The following DELE1 variants were observed in gnomAD, a reference collection of about 807,000 sequenced individuals.
The protein encoded by DELE1 is death ligand signal enhancer.
Under a neutral mutation model 59.3 loss-of-function variants are expected in DELE1, and 54 were observed. The observed-to-expected ratio is 0.91, with a 90% CI of 0.73 to 1.14. The LOEUF is 1.14. Ranked by LOEUF, DELE1 falls within the 50% of genes most tolerant of loss-of-function variation. The pLI is 0.00. For missense variants in DELE1, 636 were observed against 643.9 expected, an observed-to-expected ratio of 0.99 and a Z score of 0.13; for synonymous variants, 264 against 259.1, an observed-to-expected ratio of 1.02 and a Z score of -0.18.
In DELE1 at chr5:141,937,209, CAG is replaced by C. The variant is rs1354576287; in HGVS notation, c.1162_1163del (p.Arg388ValfsTer8). On this transcript the variant is annotated frameshift_variant, in exon 11 of 12. Transcript: ENST00000432126. LOFTEE classifies it high-confidence loss of function. ...CATTTTCTCCTTAGGACTCACAGAG[CAG>C]GTACCACCTTGGAATTTGCTATGAG... is the stretch of plus-strand genomic sequence containing the variant. ...LAANNGDSQS[R>X]YHLGICYEKG... The C allele has an allele frequency of 1.2e-6, 2 of 1,614,058 alleles. No homozygotes were observed. The highest frequency in any genetic ancestry group is 2.7e-5 in the African/African-American group (2 of 74,918).
rs572178940 is a variant in DELE1, at chr5:141,928,019, G to A, written c.265-132G>A. The A allele has an allele frequency of 1.2e-4, 112 of 898,156 alleles. 2 individuals carry two copies. In the South Asian group the frequency reaches 1.7e-3, roughly 14 times the overall value. The allele number at this position is 898,156 out of a possible 1,614,324, so 55.6% of individuals were successfully genotyped here. A position where few individuals can be genotyped will look rare whatever the true frequency, so the allele number is the denominator to read the frequency against. On this transcript the variant is annotated intron_variant, in intron 3 of 11. Coordinates refer to ENST00000432126, the MANE Select transcript of DELE1 (RefSeq NM_014773.5). The stretch of plus-strand genomic sequence containing the variant: ...GTGGTCAGGGCTCCAGAGAAGTTAG[G>A]GTGTTGTGAAAGTTTGTAGTCGGGG...
Position 141,928,139 on chromosome 5 carries a change from T to A in DELE1, c.265-12T>A, listed in dbSNP as rs1315381931. ...GTGAAGGACCGTGTCCTTAACGTGC[T>A]GTCTTTCCCAGGGCACTCTGGCCGT... is the stretch of plus-strand genomic sequence containing the variant. On this transcript the variant is annotated splice_polypyrimidine_tract_variant and intron_variant, in intron 3 of 11. Coordinates refer to ENST00000432126, the MANE Select transcript of DELE1 (RefSeq NM_014773.5). 1 of 1,611,656 alleles carries A rather than the reference T, an allele frequency of 6.2e-7. No individual in the cohort carries two copies. Among genetic ancestry groups the A allele is most frequent in the Admixed American group, 1.7e-5 (1 of 59,702 alleles).
Position 141,925,433 on chromosome 5 carries a change from C to G in DELE1, c.170C>G (p.Thr57Arg), listed in dbSNP as rs148625091. Residue 57 changes from threonine (T) to arginine (R), a missense_variant, in exon 3 of 12, where the codon ACG becomes AGG. Thr to Arg is a moderately conservative substitution (Grantham distance 71). Transcript: ENST00000432126. ...LDRSGPHGPG[T>R]SGGPRSHGWK... ...AGGTCAGGTCCCCATGGCCCAGGCACGAGCGGGGGTCCAAGGTCCCATGGA... is the reference window on the plus strand; with the variant it reads ...AGGTCAGGTCCCCATGGCCCAGGCAGGAGCGGGGGTCCAAGGTCCCATGGA... The G allele has an allele frequency of 1.9e-6, 3 of 1,595,954 alleles. No individual in the cohort carries two copies. Among genetic ancestry groups the G allele is most frequent in the Non-Finnish European group, 2.6e-6 (3 of 1,171,556 alleles).
Position 141,938,796 on chromosome 5 carries a change from G to C in DELE1, c.*37G>C, listed in dbSNP as rs374708558. ...ACATAGTCCCTGGTGCCTCTTAGGG[G>C]CCAGAGCGGGCAGGAGGTTGGATAA... is the stretch of plus-strand genomic sequence containing the variant. On this transcript the variant is annotated 3_prime_UTR_variant, in exon 12 of 12. Coordinates refer to ENST00000432126, the MANE Select transcript of DELE1 (RefSeq NM_014773.5). The C allele has an allele frequency of 1.6e-4, 254 of 1,569,302 alleles. No homozygotes were observed. Among genetic ancestry groups the C allele is most frequent in the Non-Finnish European group, 2.1e-4 (243 of 1,156,916 alleles).
rs1283904333 is a variant in DELE1, at chr5:141,930,293, C to T, written c.754+19C>T. 4.5e-6 allele frequency: 7 copies of T among 1,568,258 alleles called. No individual in the cohort carries two copies. The African/African-American group carries it at 5.4e-5, about 12-fold the overall frequency. ...TTCCTGGGTAACCAAATGGACCCTGCCCCAAGGCAGGAGGGTGGGAAAATG... is the reference window on the plus strand; with the variant it reads ...TTCCTGGGTAACCAAATGGACCCTGTCCCAAGGCAGGAGGGTGGGAAAATG... On this transcript the variant is annotated intron_variant, in intron 7 of 11. Coordinates refer to ENST00000432126, the MANE Select transcript of DELE1 (RefSeq NM_014773.5).
chr5:141,934,367 T>G lies in DELE1; in HGVS notation c.1025T>G (p.Leu342Arg). Residue 342 changes from leucine to arginine, a missense_variant, in exon 9 of 12, where the codon CTG becomes CGG. Physicochemically the swap from Leu to Arg is moderately radical, Grantham distance 102. Coordinates refer to ENST00000432126, the MANE Select transcript of DELE1 (RefSeq NM_014773.5). ...GAGCGGCAGAGGGCAGTGTCCTTGCTGAAGCAGGCTGCAGACTCAGGCTTG... is the reference window on the plus strand; with the variant it reads ...GAGCGGCAGAGGGCAGTGTCCTTGCGGAAGCAGGCTGCAGACTCAGGCTTG... ...NPERQRAVSL[L>R]KQAADSGLRE... The G allele has an allele frequency of 6.2e-7, 1 of 1,614,230 alleles. No individual in the cohort carries two copies. Among genetic ancestry groups the G allele is most frequent in the Non-Finnish European group, 8.5e-7 (1 of 1,180,038 alleles).
Position 141,939,290 on chromosome 5 carries a change from T to C in DELE1, c.*531T>C, listed in dbSNP as rs1264798614. ...ATAGATGTTCTGTCTAGGATAAAGCTAACTGTAAAAAAAAATAGTGAATCA... is the reference window on the plus strand; with the variant it reads ...ATAGATGTTCTGTCTAGGATAAAGCCAACTGTAAAAAAAAATAGTGAATCA... On this transcript the variant is annotated 3_prime_UTR_variant, in exon 12 of 12. Transcript: ENST00000432126. 1 of 658,588 alleles carries C rather than the reference T, an allele frequency of 1.5e-6. No homozygotes were observed. The highest frequency in any genetic ancestry group is 6.3e-5 in the Admixed American group (1 of 15,846). The allele number at this position is 658,588 out of a possible 1,614,324, so 40.8% of individuals were successfully genotyped here. A position where few individuals can be genotyped will look rare whatever the true frequency, so the allele number is the denominator to read the frequency against.
rs1752666889 is a variant in DELE1, at chr5:141,940,430, GCCCACC to G, written c.*1672_*1677del. ...GAGTGGGGTCTGGGAGGGATAGAGA[GCCCACC>G]GCCCACCCCCCACAATCCCATGACT... On this transcript the variant is annotated 3_prime_UTR_variant, in exon 12 of 12. Coordinates refer to ENST00000432126, the MANE Select transcript of DELE1 (RefSeq NM_014773.5). 7.4e-5 allele frequency: 16 copies of G among 217,266 alleles called. No individual in the cohort carries two copies. The highest frequency in any genetic ancestry group is 6.5e-4 in the South Asian group (1 of 1,540). The allele number at this position is 217,266 out of a possible 1,614,324, so 13.5% of individuals were successfully genotyped here.
At chr5:141,935,650 C>G (rs1752289745) in intron 10 of DELE1, among the ~76,000 whole-genome samples, 3 of 152,342 alleles carry the variant, frequency 2.0e-5, no homozygotes, top group South Asian at 4.1e-4. Flanking sequence ...GTATCCACTG[C>G]TGTACCTGCC....
At position 141,938,812 on chromosome 5, in the gene DELE1, G is replaced by A. The variant is rs1463225744; in HGVS notation, c.*53G>A. 2.9e-5 allele frequency: 44 copies of A among 1,535,662 alleles called. No homozygotes were observed. Among genetic ancestry groups the A allele is most frequent in the Non-Finnish European group, 3.5e-5 (40 of 1,145,048 alleles). On this transcript the variant is annotated 3_prime_UTR_variant, in exon 12 of 12. Coordinates refer to ENST00000432126, the MANE Select transcript of DELE1 (RefSeq NM_014773.5). Reference sequence around the variant, plus strand: ...CTCTTAGGGGCCAGAGCGGGCAGGAGGTTGGATAACAAAAATAGAGCATCA... The same window carrying A: ...CTCTTAGGGGCCAGAGCGGGCAGGAAGTTGGATAACAAAAATAGAGCATCA...
chr5:141,928,327 G>A, intron 4 of DELE1, 29 bp downstream of exon 4: 5 of 1,598,800 alleles, frequency 3.1e-6, no homozygotes, highest in Non-Finnish European at 4.3e-6. Flanking sequence ...GGACAGGAGG[G>A]CTGGGCTGGG....
In DELE1 at chr5:141,929,981, C is replaced by T. The variant is rs769779271; in HGVS notation, c.572-8C>T. On this transcript the variant is annotated splice_region_variant and splice_polypyrimidine_tract_variant and intron_variant, in intron 5 of 11. Coordinates refer to ENST00000432126, the MANE Select transcript of DELE1 (RefSeq NM_014773.5). ...TGCCCTGGCCGGGTGTCGGCCTTTCCCTTGCAGGTCCCGGTGATTTTGGCT... is the reference window on the plus strand; with the variant it reads ...TGCCCTGGCCGGGTGTCGGCCTTTCTCTTGCAGGTCCCGGTGATTTTGGCT... The T allele has an allele frequency of 4.3e-6, 7 of 1,613,724 alleles. No homozygotes were observed. Among genetic ancestry groups the T allele is most frequent in the Non-Finnish European group, 5.9e-6 (7 of 1,179,790 alleles).
intron 11 of DELE1, among the ~76,000 whole-genome samples, chr5:141,937,808 T>A: frequency 6.9e-6 from 1 of 145,378 alleles, no homozygotes. Context: ...GCTTTTGGAG[T>A]CAAGACAAAC....
rs745619739 is a variant in DELE1, at chr5:141,933,314, AGCTGCAGCCCGCG to A, written c.814_826del (p.Ala272ThrfsTer67). On this transcript the variant is annotated frameshift_variant, in exon 8 of 12. Transcript: ENST00000432126. LOFTEE classifies it high-confidence loss of function. ...CGGCAGCCTTTTCTTACTTCCAGAAAGCTGCAGCCCGCGGCTACAGCAAAGCGCAGTACAATGC... is the reference window on the plus strand; with the variant it reads ...CGGCAGCCTTTTCTTACTTCCAGAAAGCTACAGCAAAGCGCAGTACAATGC... The A allele has an allele frequency of 6.4e-7, 1 of 1,572,020 alleles. No homozygotes were observed. The highest frequency in any genetic ancestry group is 1.1e-5 in the South Asian group (1 of 87,152).
intron 2 of DELE1, 122 bp from the exon 3 acceptor site, chr5:141,925,288 C>G (rs1237252283): frequency 1.1e-5 from 6 of 541,314 alleles, no homozygotes. Flanking sequence ...GTCTTGAACT[C>G]CTGACCTCGT....
Position 141,934,532 on chromosome 5 carries a change from C to G in DELE1, c.1095C>G (p.Pro365=). The G allele has an allele frequency of 6.2e-7, 1 of 1,614,270 alleles. No homozygotes were observed. The highest frequency in any genetic ancestry group is 8.5e-7 in the Non-Finnish European group (1 of 1,180,052). Residue 365 remains proline (P), a synonymous_variant, in exon 10 of 12, where the codon CCC becomes CCG. Transcript: ENST00000432126. ...TCGGGGTGCTTTTCACCAAGGAGCC[C>G]TACCTGGATGAGCAGAGAGCTGTGA... The part of the protein sequence containing the change: ...AFLGVLFTKE[P]YLDEQRAVKY...
chr5:141,929,400 C>A (rs1030256914), intron 4 of DELE1, among the ~76,000 whole-genome samples, 182 bp from the exon 5 acceptor site: 3 of 152,158 alleles, frequency 2.0e-5, no homozygotes, highest in Non-Finnish European at 4.4e-5. Context: ...AGGCATGTGC[C>A]ACTGCACCCC....
chr5:141,939,084 T>C lies in DELE1; in HGVS notation c.*325T>C. The C allele has an allele frequency of 9.3e-7, 1 of 1,075,788 alleles. No individual in the cohort carries two copies. Among genetic ancestry groups the C allele is most frequent in the Non-Finnish European group, 1.1e-6 (1 of 886,734 alleles). The allele number at this position is 1,075,788 out of a possible 1,614,324, so 66.6% of individuals were successfully genotyped here. On this transcript the variant is annotated 3_prime_UTR_variant, in exon 12 of 12. Transcript: ENST00000432126. ...TTGTCTTTGAGCAAATAACTTACCT[T>C]CTTCCTTCTTATGCCTGGGTTTTCT...
In DELE1 at chr5:141,941,442, T is replaced by TC; in HGVS notation, c.*2684dup. ...GGACCAAAAATCCTTGGCTGTTCAG[T>TC]CACTGCGGTCTTGATCCAGCCCCAG... On this transcript the variant is annotated 3_prime_UTR_variant, in exon 12 of 12. Coordinates refer to ENST00000432126, the MANE Select transcript of DELE1 (RefSeq NM_014773.5). 1.0e-6 allele frequency: 1 copy of TC among 985,512 alleles called. No individual in the cohort carries two copies. The highest frequency in any genetic ancestry group is 1.2e-6 in the Non-Finnish European group (1 of 829,990). The allele number at this position is 985,512 out of a possible 1,614,324, so 61.0% of individuals were successfully genotyped here.
Sources: allele counts gnomAD v4.1 joint callset (sites outside exome capture counted in the v4.1 genomes callset), GRCh38; gene constraint gnomAD v4.1.1; transcripts MANE v1.5; gene names NCBI Gene and HGNC (gene_info 2026-07-23, HGNC 2026-07-21).